Variants in TMTC2 observed in about 807,000 individuals in gnomAD.
TMTC2 encodes the protein transmembrane O-mannosyltransferase targeting cadherins 2.
TMTC2 carries 43 observed loss-of-function variants against 82.4 expected under a neutral mutation model. The ratio of observed to expected loss-of-function variants is 0.52; its 90% confidence interval spans 0.41 to 0.67. The LOEUF is 0.67. Among genes scored for constraint, TMTC2 ranks in the 30% least tolerant of loss-of-function variants. The pLI is 0.00. For missense variants in TMTC2, 919 were observed against 1,012.4 expected (o/e 0.91, Z 1.25); for synonymous variants, 408 against 381.9 (o/e 1.07, Z -0.80).
chr12:82,851,384 C>T (rs12314480), intron 1 of TMTC2, among the ~76,000 whole-genome samples: 5,175 of 152,246 alleles, frequency 0.034, 304 homozygotes, highest in African/African-American at 0.12. Context: ...CCACTGCACT[C>T]CAGCCTGGGC....
intron 2 of TMTC2, among the ~76,000 whole-genome samples, chr12:82,859,588 G>T (rs901189031): frequency 6.6e-6 from 1 of 152,150 alleles, no homozygotes; most frequent in African/African-American, 2.4e-5. Context: ...ATTAATCTTT[G>T]TTTCTCTGAA....
At chr12:83,100,979 A>G (rs1255488043) in intron 11 of TMTC2, among the ~76,000 whole-genome samples, 1 of 152,186 alleles carries the variant, frequency 6.6e-6, no homozygotes, top group Non-Finnish European at 1.5e-5. Context: ...TTCATGTTTT[A>G]TGGTCTTTGT....
At chr12:83,007,724 CTCT>C (rs1880267884) in intron 8 of TMTC2, among the ~76,000 whole-genome samples, 1 of 151,968 alleles carries the variant, frequency 6.6e-6, no homozygotes, top group Non-Finnish European at 1.5e-5. Context: ...TTCTATAACC[CTCT>C]TCATTTTTTA....
At chr12:82,910,655 G>T (rs909136509) in intron 3 of TMTC2, among the ~76,000 whole-genome samples, 5 of 152,150 alleles carry the variant, frequency 3.3e-5, no homozygotes, top group African/African-American at 9.7e-5. Flanking sequence ...GCAGACGGAG[G>T]GCCAGAAGGG....
chr12:82,911,169 T>C (rs1163678608), intron 3 of TMTC2, among the ~76,000 whole-genome samples: 3 of 152,102 alleles, frequency 2.0e-5, no homozygotes, highest in African/African-American at 4.8e-5. Flanking sequence ...TGTGAGCCAC[T>C]GCGCCCGGCG....
intron 2 of TMTC2, among the ~76,000 whole-genome samples, chr12:82,885,452 C>G (rs1169951916): frequency 6.6e-6 from 1 of 151,686 alleles, no homozygotes; most frequent in Non-Finnish European, 1.5e-5. Context: ...TCACTGTAGT[C>G]TTGATTTCCT....
At chr12:82,826,421 A>G (rs1222888421) in intron 1 of TMTC2, among the ~76,000 whole-genome samples, 2 of 152,116 alleles carry the variant, frequency 1.3e-5, no homozygotes, top group African/African-American at 2.4e-5. Flanking sequence ...CTACTTTTTC[A>G]TCTTTTATAC....
intron 7 of TMTC2, among the ~76,000 whole-genome samples, chr12:82,979,336 T>G (rs1227757922): frequency 6.6e-6 from 1 of 151,688 alleles, no homozygotes; most frequent in Non-Finnish European, 1.5e-5. Context: ...TTTGTACATC[T>G]TTTATATGAT....
intron 11 of TMTC2, among the ~76,000 whole-genome samples, chr12:83,090,766 T>G (rs1426374254): frequency 3.3e-5 from 5 of 152,166 alleles, no homozygotes; most frequent in Non-Finnish European, 7.3e-5. Context: ...TAAAGTGTAA[T>G]TCTAGCTACA....
At chr12:82,987,497 A>G (rs1455669879) in intron 8 of TMTC2, among the ~76,000 whole-genome samples, 4 of 152,064 alleles carry the variant, frequency 2.6e-5, no homozygotes, top group Non-Finnish European at 5.9e-5. Flanking sequence ...CCCACTAAAA[A>G]TATTTAGATC....
intron 1 of TMTC2, among the ~76,000 whole-genome samples, chr12:82,780,695 C>T (rs548423076): frequency 2.0e-5 from 3 of 152,088 alleles, no homozygotes; most frequent in Non-Finnish European, 2.9e-5. Context: ...ACTAACACTT[C>T]GTTTGGTGGT....
At chr12:82,696,276 G>C (rs1180067864) in intron 1 of TMTC2, among the ~76,000 whole-genome samples, 1 of 152,204 alleles carries the variant, frequency 6.6e-6, no homozygotes, top group Admixed American at 6.5e-5. Context: ...TGGTATACCT[G>C]AATTCGTTTG....
At chr12:83,049,010 T>C (rs1882246928) in intron 9 of TMTC2, among the ~76,000 whole-genome samples, 1 of 152,224 alleles carries the variant, frequency 6.6e-6, no homozygotes, top group South Asian at 2.1e-4. Context: ...AGGTATTTCT[T>C]TTTTATTGAA....
chr12:83,096,911 A>T (rs1884048002), intron 11 of TMTC2, among the ~76,000 whole-genome samples: 1 of 152,108 alleles, frequency 6.6e-6, no homozygotes, highest in South Asian at 2.1e-4. Context: ...GTTGCACCCT[A>T]CACTTTGCCT....
intron 1 of TMTC2, among the ~76,000 whole-genome samples, chr12:82,765,281 T>C (rs1876886444): frequency 6.6e-6 from 1 of 152,212 alleles, no homozygotes; most frequent in Non-Finnish European, 1.5e-5. Flanking sequence ...AATCATCCAT[T>C]CAATAAATAT....
chr12:83,004,721 A>AATTTTTTATTTT (rs1206111408), intron 8 of TMTC2, among the ~76,000 whole-genome samples: 3 of 65,072 alleles, frequency 4.6e-5, no homozygotes, highest in Non-Finnish European at 9.9e-5. Context: ...ATACTGGCCG[A>AATTTTTTATTTT]ATTTTTTTTT....
Position 83,050,963 on chromosome 12 carries a change from G to A in TMTC2, c.2212G>A (p.Ala738Thr). 1.2e-6 allele frequency: 2 copies of A among 1,613,380 alleles called. No homozygotes were observed. Among genetic ancestry groups the A allele is most frequent in the Non-Finnish European group, 1.7e-6 (2 of 1,179,580 alleles). Residue 738 changes from alanine (A) to threonine (T), a missense_variant, in exon 10 of 12, where the codon GCT (alanine) becomes ACT (threonine). Physicochemically the swap from Ala to Thr is moderately conservative, Grantham distance 58 (BLOSUM62 0). Transcript: ENST00000321196. ...AGCAGCTGAGATGGCAAAAAAAGCA[G>A]CTGAACTAGACAGCACAGAGTTTGA... ...IEAAEMAKKA[A>T]ELDSTEFDVV...
At chr12:83,109,658 G>A (rs933621700) in intron 11 of TMTC2, among the ~76,000 whole-genome samples, 3 of 152,040 alleles carry the variant, frequency 2.0e-5, no homozygotes, top group Non-Finnish European at 4.4e-5. Context: ...GTGTTTCATG[G>A]TTTTTCACAT....
intron 7 of TMTC2, among the ~76,000 whole-genome samples, chr12:82,977,983 A>G (rs968262537): frequency 6.6e-6 from 1 of 151,768 alleles, no homozygotes; most frequent in Admixed American, 6.6e-5. Flanking sequence ...TATATAATTG[A>G]TTTTTTTCAA....
Sources: gnomAD v4.1 joint callset for allele counts (sites outside exome capture counted in the v4.1 genomes callset) on GRCh38, gnomAD v4.1.1 for gene constraint, MANE v1.5 for transcripts, NCBI Gene and HGNC (gene_info 2026-07-23, HGNC 2026-07-21) for gene names.